ETS1: variants seen among roughly 807,000 people sequenced by gnomAD.
ETS1 encodes the protein ETS proto-oncogene 1, transcription factor.
In ETS1, 15 loss-of-function variants were observed where a neutral mutation model predicts 58.6. The observed-to-expected ratio is 0.26, with a 90% confidence interval of 0.17 to 0.39. The LOEUF (loss-of-function observed/expected upper bound fraction) is 0.39. Among genes scored for constraint, ETS1 ranks in the 10% least tolerant of loss-of-function variants. ETS1 has a pLI of 1.00. For synonymous variants in ETS1, 214 were observed against 218.2 expected (o/e 0.98, Z 0.17); for missense variants, 417 against 610.5 (o/e 0.68, Z 3.34).
At chr11:128,536,727 C>A (rs1405233439) in intron 3 of ETS1, 1 of 152,224 alleles carries the variant, frequency 6.6e-6, no homozygotes, top group Non-Finnish European at 1.5e-5. Flanking sequence ...CATGTCAATA[C>A]ATTCCAGTTA....
At position 128,463,334 on chromosome 11, in the gene ETS1, A is replaced by G. The variant is rs577022192; in HGVS notation, c.1242+175T>C. Among the ~76,000 whole-genome samples the G allele has an allele frequency of 2.0e-5, 3 of 152,124 alleles. No individual in the cohort carries two copies. The highest frequency in any genetic ancestry group is 7.2e-5 in the African/African-American group (3 of 41,480). On this transcript the variant is annotated intron_variant, in intron 9 of 9. Coordinates refer to ENST00000392668, the MANE Select transcript of ETS1 (RefSeq NM_001143820.2). This position sits in a 1 kb window ranked among gnomAD's most constrained non-coding sequence, Gnocchi z 4.1. ...ATGGGGTAACATAGATCTTTTCTCT[A>G]TTTTCCAAATAATGAACCTGGAGCT...
chr11:128,585,031 GA>G (rs201786678), intron 1 of ETS1, among the ~76,000 whole-genome samples: 341 of 6,426 alleles, frequency 0.053, 60 homozygotes, highest in African/African-American at 0.067. Flanking sequence ...AAGAAAGAAA[GA>G]AAAGAAAGAA....
Position 128,562,550 on chromosome 11 carries a change from C to T in ETS1, c.70-6115G>A, listed in dbSNP as rs189982939. Among the ~76,000 whole-genome samples the T allele has an allele frequency of 6.2e-3, 937 of 152,322 alleles. 2 individuals carry two copies. The highest frequency in any genetic ancestry group is 9.6e-3 in the Non-Finnish European group (655 of 68,030). On this transcript the variant is annotated intron_variant, in intron 2 of 9. Transcript: ENST00000392668. ...CCGTGGAGGAAACAGCATGGCTCTCCCTGTCCTCTTAGAAAGAGGCTACCA... is the reference window on the plus strand; with the variant it reads ...CCGTGGAGGAAACAGCATGGCTCTCTCTGTCCTCTTAGAAAGAGGCTACCA...
At chr11:128,479,425 C>T (rs548660488) in intron 8 of ETS1, among the ~76,000 whole-genome samples, 2 of 152,332 alleles carry the variant, frequency 1.3e-5, no homozygotes, top group South Asian at 4.1e-4. Context: ...CATTAATGCT[C>T]CTTGGCTATT....
rs997443094 is a variant in ETS1, at chr11:128,459,831, C to A, written c.*2530G>T. 1 of 152,532 alleles carries A rather than the reference C, an allele frequency of 6.6e-6. No homozygotes were observed. The highest frequency in any genetic ancestry group is 2.4e-5 in the African/African-American group (1 of 41,414). The allele number at this position is 152,532 out of a possible 1,614,324, so 9.4% of individuals were successfully genotyped here. The stretch of plus-strand genomic sequence containing the variant: ...AAGCGGGCGGAGGAGCACTAGGAGG[C>A]ACTTTCTTATATCTTATCTGCTATA... On this transcript the variant is annotated 3_prime_UTR_variant, in exon 10 of 10. Transcript: ENST00000392668.
chr11:128,540,713 A>ATAT (rs1430312231), intron 3 of ETS1, among the ~76,000 whole-genome samples: 1 of 152,232 alleles, frequency 6.6e-6, no homozygotes, highest in Non-Finnish European at 1.5e-5. Context: ...GAATTTAAAA[A>ATAT]TATTATCTCC....
chr11:128,472,961 T>C (rs1862226565), intron 8 of ETS1, among the ~76,000 whole-genome samples: 1 of 152,144 alleles, frequency 6.6e-6, no homozygotes. Context: ...TTTTCTGACA[T>C]GTGAAAACCC....
chr11:128,466,871 C>T (rs1172417860), intron 8 of ETS1, among the ~76,000 whole-genome samples: 1 of 152,034 alleles, frequency 6.6e-6, no homozygotes, highest in Non-Finnish European at 1.5e-5. Context: ...AAATCTCTCC[C>T]GTTGGCTTCA....
intron 3 of ETS1, among the ~76,000 whole-genome samples, chr11:128,494,933 T>C (rs1012674862): frequency 6.6e-6 from 1 of 152,194 alleles, no homozygotes; most frequent in Non-Finnish European, 1.5e-5. Flanking sequence ...CCCCATCAGA[T>C]TATGATACCA....
rs757231712 is a variant in ETS1 at position 128,480,183 on chromosome 11, G to T, written c.1123+8C>A. On this transcript the variant is annotated splice_region_variant and intron_variant, in intron 8 of 9. Transcript: ENST00000392668. ...TGGAGTTGGCCTAAGCAGCGGGAGGGCGCCTACCTGTGTAGCCAGCTAGGG... is the reference window on the plus strand; with the variant it reads ...TGGAGTTGGCCTAAGCAGCGGGAGGTCGCCTACCTGTGTAGCCAGCTAGGG... The T allele has an allele frequency of 3.1e-6, 5 of 1,613,126 alleles. 1 individual carries two copies. The South Asian group carries it at 3.3e-5, about 11-fold the overall frequency.
intron 1 of ETS1, among the ~76,000 whole-genome samples, chr11:128,576,289 C>T (rs978652607): frequency 6.6e-6 from 1 of 152,196 alleles, no homozygotes; most frequent in African/African-American, 2.4e-5. Flanking sequence ...AGAACAGCTG[C>T]TAGAGACGTA....
At chr11:128,543,487 G>C (rs1037593473) in intron 3 of ETS1, among the ~76,000 whole-genome samples, 2 of 152,082 alleles carry the variant, frequency 1.3e-5, no homozygotes, top group African/African-American at 4.8e-5. Flanking sequence ...AGTAACTATG[G>C]GGGAGGTGCA....
chr11:128,571,954 G>C (rs1029004899), intron 2 of ETS1: 1 of 152,076 alleles, frequency 6.6e-6, no homozygotes, highest in Non-Finnish European at 1.5e-5. Flanking sequence ...TGAGGCAGGA[G>C]AATCGCTTGA....
intron 3 of ETS1, among the ~76,000 whole-genome samples, chr11:128,535,917 A>T (rs1863966424): frequency 6.6e-6 from 1 of 152,222 alleles, no homozygotes. Context: ...ACCTGAGATG[A>T]AGCAAGCAAA....
chr11:128,562,586 GC>G (rs930097334), intron 2 of ETS1, among the ~76,000 whole-genome samples: 4 of 152,088 alleles, frequency 2.6e-5, no homozygotes, highest in Non-Finnish European at 5.9e-5. Flanking sequence ...GAGGACATGA[GC>G]CCACAGCCTG....
rs920803767 is a variant in ETS1, at chr11:128,463,771, G to A, written c.1124-144C>T. 3.4e-5 allele frequency: 20 copies of A among 593,922 alleles called. No individual in the cohort carries two copies. The highest frequency in any genetic ancestry group is 1.5e-4 in the Admixed American group (6 of 41,068). 36.8% of individuals were successfully genotyped at this position (593,922 alleles called of 1,614,324 possible). A position where few individuals can be genotyped will look rare whatever the true frequency, so the allele number is the denominator to read the frequency against. On this transcript the variant is annotated intron_variant, in intron 8 of 9. Transcript: ENST00000392668. This position sits in a 1 kb window ranked among gnomAD's most constrained non-coding sequence, Gnocchi z 4.1. ...GAAGGCAACAGACAGTGCACATGTC[G>A]GAGGAAGTGTTATGAGCTCGAACAG...
rs571279596 is a variant in ETS1 at position 128,577,988 on chromosome 11, G to A, written c.-14-4844C>T. 1.5e-4 allele frequency among the ~76,000 whole-genome samples: 23 copies of A among 151,626 alleles called. 1 individual carries two copies. In the South Asian group the frequency reaches 4.8e-3, roughly 32 times the overall value. ...CTCATCACCCTGGATGGCGAGGACA[G>A]AAACAAGCATGAGATGGAGAAGACA... On this transcript the variant is annotated intron_variant, in intron 1 of 9. Coordinates refer to ENST00000392668, the MANE Select transcript of ETS1 (RefSeq NM_001143820.2).
At chr11:128,504,505 AAGG>A (rs1863178668) in intron 3 of ETS1, among the ~76,000 whole-genome samples, 1 of 152,248 alleles carries the variant, frequency 6.6e-6, no homozygotes. Flanking sequence ...AAGTGGAGAG[AAGG>A]AGGAGCCAAG....
intron 3 of ETS1, among the ~76,000 whole-genome samples, chr11:128,550,829 T>C (rs1361065938): frequency 2.0e-5 from 3 of 152,094 alleles, no homozygotes; most frequent in Admixed American, 6.5e-5. Flanking sequence ...TCCTAGAAAA[T>C]AGTTGGGCAT....
Sources: allele counts gnomAD v4.1 joint callset (sites outside exome capture counted in the v4.1 genomes callset), GRCh38; gene constraint gnomAD v4.1.1; non-coding constraint Gnocchi (gnomAD v3.1); transcripts MANE v1.5; gene names NCBI Gene and HGNC (gene_info 2026-07-23, HGNC 2026-07-21).